The following TXLNG variants were observed in gnomAD, a reference collection of about 807,000 sequenced individuals.
TXLNG encodes gamma-taxilin.
TXLNG carries 5 observed loss-of-function variants against 38.8 expected under a neutral mutation model. The observed-to-expected ratio is 0.13, with a 90% CI of 0.07 to 0.27. TXLNG has a LOEUF of 0.27. TXLNG is among the 10% of genes least tolerant of loss of function. The pLI, the probability that TXLNG is intolerant of heterozygous loss-of-function variation, is 1.00. For missense variants in TXLNG, 393 were observed against 398.2 expected, an observed-to-expected ratio of 0.99 and a Z score of 0.11; for synonymous variants, 182 against 158.2, an observed-to-expected ratio of 1.15 and a Z score of -1.13.
chrX:16,805,032 C>A lies in TXLNG; in HGVS notation c.103-13542C>A, dbSNP rs753677825. Reference sequence around the variant, plus strand: ...TGAGAGACAGAGCCTGGCTGTGTTGCCCAGGCTAGAGTGCAGTGGTGCAGT... The same window carrying A: ...TGAGAGACAGAGCCTGGCTGTGTTGACCAGGCTAGAGTGCAGTGGTGCAGT... On this transcript the variant is annotated intron_variant, in intron 1 of 9. Transcript: ENST00000380122. Among the ~76,000 whole-genome samples the A allele has an allele frequency of 6.3e-5, 5 of 79,618 alleles. No homozygotes were observed. In the South Asian group the frequency reaches 3.3e-3, roughly 52 times the overall value. The allele number at this position is 79,618 out of a possible 115,157, so 69.1% of individuals were successfully genotyped here. A position where few individuals can be genotyped will look rare whatever the true frequency, so the allele number is the denominator to read the frequency against.
intron 5 of TXLNG, among the ~76,000 whole-genome samples, chrX:16,831,876 A>C (rs1349978246): frequency 8.9e-6 from 1 of 111,974 alleles, no homozygotes; most frequent in Non-Finnish European, 1.9e-5. Context: ...TTCCCCTCTC[A>C]TGTAGGGTAT....
Position 16,791,752 on chromosome X carries a change from A to G in TXLNG, c.102+5163A>G, listed in dbSNP as rs530752611. On this transcript the variant is annotated intron_variant, in intron 1 of 9. Coordinates refer to ENST00000380122, the MANE Select transcript of TXLNG (RefSeq NM_018360.3). ...AGGCATGCGCCACCAGGCCTGGCTAATTTTTGTATTTTTAGTAGAGATGGG... is the reference window on the plus strand; with the variant it reads ...AGGCATGCGCCACCAGGCCTGGCTAGTTTTTGTATTTTTAGTAGAGATGGG... 3.3e-4 allele frequency among the ~76,000 whole-genome samples: 36 copies of G among 110,755 alleles called. No individual in the cohort carries two copies. In the South Asian group the frequency reaches 0.014, roughly 42 times the overall value.
At chrX:16,811,597 C>T (rs1485382320) in intron 1 of TXLNG, among the ~76,000 whole-genome samples, 1 of 108,125 alleles carries the variant, frequency 9.2e-6, no homozygotes, top group Non-Finnish European at 1.9e-5. Flanking sequence ...ATCTGCTTGC[C>T]TCGGCCTCCC....
chrX:16,826,185 A>G (rs1162892751), intron 3 of TXLNG, among the ~76,000 whole-genome samples: 1 of 112,059 alleles, frequency 8.9e-6, no homozygotes, highest in African/African-American at 3.2e-5. Context: ...GTGAAATTAC[A>G]GCTAGTATGT....
Position 16,837,679 on chromosome X carries a change from G to A in TXLNG, c.1146G>A (p.Met382Ile). 1 of 1,186,148 alleles carries A rather than the reference G, an allele frequency of 8.4e-7. No individual in the cohort carries two copies. The highest frequency in any genetic ancestry group is 1.7e-5 in the African/African-American group (1 of 57,161). The part of the protein sequence containing the change: ...NELFTTFRQE[M>I]EKMTKKIKKL... ...TGTTTACAACCTTCAGACAGGAAATGGAAAAGGTATTTACATATTTTTAGT... is the reference window on the plus strand; with the variant it reads ...TGTTTACAACCTTCAGACAGGAAATAGAAAAGGTATTTACATATTTTTAGT... Residue 382 changes from methionine (M) to isoleucine (I), a missense_variant, in exon 8 of 10, where the codon ATG (methionine) becomes ATA (isoleucine). Transcript: ENST00000380122.
chrX:16,803,925 C>T (rs1438812370), intron 1 of TXLNG, among the ~76,000 whole-genome samples: 1 of 109,940 alleles, frequency 9.1e-6, no homozygotes, highest in Admixed American at 9.6e-5. Flanking sequence ...GCACTCCAGC[C>T]TGGGCAACAG....
intron 6 of TXLNG, among the ~76,000 whole-genome samples, chrX:16,834,048 C>A (rs1309887117): frequency 8.9e-6 from 1 of 111,924 alleles, no homozygotes; most frequent in African/African-American, 3.3e-5. Flanking sequence ...CATATTAGGC[C>A]CCCAGGGTAC....
At chrX:16,825,263 G>A (rs183148933) in intron 3 of TXLNG, among the ~76,000 whole-genome samples, 1 of 112,177 alleles carries the variant, frequency 8.9e-6, no homozygotes, top group Non-Finnish European at 1.9e-5. Flanking sequence ...TTTTGGAGAG[G>A]ATGTGGATCT....
chrX:16,813,463 C>T (rs1020328236), intron 1 of TXLNG, among the ~76,000 whole-genome samples: 1 of 105,920 alleles, frequency 9.4e-6, no homozygotes, highest in East Asian at 3.0e-4. Context: ...GGCAACATAG[C>T]GAGACTCTCC....
chrX:16,831,718 C>G (rs1278645661), intron 5 of TXLNG, among the ~76,000 whole-genome samples: 1 of 112,119 alleles, frequency 8.9e-6, no homozygotes, highest in Non-Finnish European at 1.9e-5. Flanking sequence ...ATTTGAAAAT[C>G]AGATTTGTTT....
chrX:16,788,205 G>A (rs1430356157), intron 1 of TXLNG, among the ~76,000 whole-genome samples: 1 of 112,174 alleles, frequency 8.9e-6, no homozygotes, highest in Admixed American at 9.5e-5. Context: ...TGCAATTGAG[G>A]ATATAAGTTC....
In TXLNG at chrX:16,819,426, T is replaced by C. The variant is rs889716305; in HGVS notation, c.406+549T>C. ...TGTATGTCAGAGTTATTTTGAGATA[T>C]ATATTTTGATGCAATATCTTACATA... On this transcript the variant is annotated intron_variant, in intron 2 of 9. Transcript: ENST00000380122. 2.7e-5 allele frequency among the ~76,000 whole-genome samples: 3 copies of C among 111,280 alleles called. No individual in the cohort carries two copies. The Admixed American group carries it at 2.9e-4, about 11-fold the overall frequency.
intron 3 of TXLNG, among the ~76,000 whole-genome samples, chrX:16,824,823 G>GCTACAA (rs1929111788): frequency 9.1e-6 from 1 of 109,968 alleles, no homozygotes; most frequent in Non-Finnish European, 1.9e-5. Context: ...CTACTCAGGA[G>GCTACAA]GTTGAGGCAG....
intron 8 of TXLNG, 114 bp downstream of exon 8, chrX:16,837,799 C>T (rs1929647776): frequency 3.8e-6 from 2 of 522,511 alleles, no homozygotes; most frequent in East Asian, 4.2e-5. Flanking sequence ...TTCATTTTCT[C>T]TTTAGTGATC....
At chrX:16,840,325 G>A (rs1929748430) in intron 9 of TXLNG, 1 of 379,237 alleles carries the variant, frequency 2.6e-6, no homozygotes, top group Non-Finnish European at 3.4e-6. Context: ...CAGATAATCC[G>A]CCTCTCTAAC....
chrX:16,797,240 T>A, intron 1 of TXLNG, among the ~76,000 whole-genome samples: 1 of 102,405 alleles, frequency 9.8e-6, no homozygotes. Context: ...GCCGAGATCA[T>A]ACCATTACAC....
chrX:16,800,225 C>T (rs1183312414), intron 1 of TXLNG, among the ~76,000 whole-genome samples: 2 of 111,926 alleles, frequency 1.8e-5, no homozygotes, highest in Non-Finnish European at 3.8e-5. Flanking sequence ...CAGGCGTGAG[C>T]CACTATGCCC....
chrX:16,786,818 G>C (rs2147453151), intron 1 of TXLNG, among the ~76,000 whole-genome samples: 1 of 108,868 alleles, frequency 9.2e-6, no homozygotes, highest in East Asian at 3.0e-4. Context: ...CGGCGGGGAA[G>C]CCGGGAGGGA....
chrX:16,800,090 C>T (rs1928033764), intron 1 of TXLNG, among the ~76,000 whole-genome samples: 1 of 109,090 alleles, frequency 9.2e-6, no homozygotes, highest in African/African-American at 3.3e-5. Context: ...CAGGCATCTA[C>T]CACCACGCCC....
Sources: gnomAD v4.1 joint callset for allele counts (sites outside exome capture counted in the v4.1 genomes callset) on GRCh38, gnomAD v4.1.1 for gene constraint, MANE v1.5 for transcripts, NCBI Gene and HGNC (gene_info 2026-07-23, HGNC 2026-07-21) for gene names.